EXOC6B: variants seen among roughly 807,000 people sequenced by gnomAD.
EXOC6B encodes SEC15 homolog B.
EXOC6B carries 54 observed loss-of-function variants against 113.5 expected under a neutral mutation model. The ratio of observed to expected loss-of-function variants is 0.48; its 90% confidence interval spans 0.38 to 0.60. The LOEUF (loss-of-function observed/expected upper bound fraction) is 0.60, where lower values mean the gene tolerates loss of function less well. Among genes scored for constraint, EXOC6B ranks in the 20% least tolerant of loss-of-function variants. EXOC6B has a pLI of 0.00. For synonymous variants in EXOC6B, 357 were observed against 339.0 expected, an observed-to-expected ratio of 1.05 and a Z score of -0.58; for missense variants, 797 against 977.5, an observed-to-expected ratio of 0.82 and a Z score of 2.46.
chr2:72,591,243 G>A (rs1401694025), intron 6 of EXOC6B, among the ~76,000 whole-genome samples: 2 of 152,032 alleles, frequency 1.3e-5, no homozygotes, highest in Non-Finnish European at 2.9e-5. Flanking sequence ...AGCTAGTGAT[G>A]TTTGTTTCAA....
intron 20 of EXOC6B, among the ~76,000 whole-genome samples, chr2:72,296,446 A>C (rs1027408297): frequency 6.6e-6 from 1 of 152,196 alleles, no homozygotes. Context: ...AAATATTTAG[A>C]TAAAGATAAT....
intron 1 of EXOC6B, among the ~76,000 whole-genome samples, chr2:72,803,582 A>C (rs1685416996): frequency 6.6e-6 from 1 of 152,220 alleles, no homozygotes; most frequent in Admixed American, 6.5e-5. Flanking sequence ...AAGAAAAAAA[A>C]TGCTGTCAGT....
At chr2:72,608,928 A>G (rs1670902146) in intron 6 of EXOC6B, among the ~76,000 whole-genome samples, 1 of 152,136 alleles carries the variant, frequency 6.6e-6, no homozygotes, top group Non-Finnish European at 1.5e-5. Context: ...TCTACCATGG[A>G]TGAGGAACAT....
At chr2:72,381,010 A>G (rs1404783319) in intron 18 of EXOC6B, among the ~76,000 whole-genome samples, 2 of 152,204 alleles carry the variant, frequency 1.3e-5, no homozygotes, top group East Asian at 3.8e-4. Flanking sequence ...TACTTAACGT[A>G]TCCCCTAAAC....
chr2:72,657,567 C>CTTTTTT (rs70963136), intron 6 of EXOC6B, among the ~76,000 whole-genome samples: 1,846 of 50,364 alleles, frequency 0.037, 94 homozygotes, highest in Middle Eastern at 0.075. Context: ...CTTTCCTTTT[C>CTTTTTT]TTTTTTTTTT....
chr2:72,752,454 C>T (rs1466545660), intron 1 of EXOC6B, among the ~76,000 whole-genome samples: 1 of 151,918 alleles, frequency 6.6e-6, no homozygotes, highest in Non-Finnish European at 1.5e-5. Context: ...AACAACACAG[C>T]CCATTATTTT....
At chr2:72,338,992 A>G (rs139482023) in intron 19 of EXOC6B, among the ~76,000 whole-genome samples, 337 of 146,772 alleles carry the variant, frequency 2.3e-3, no homozygotes, top group Non-Finnish European at 4.0e-3. Flanking sequence ...CACATTATGT[A>G]GTGAAGCTCA....
At chr2:72,450,409 AGGG>A (rs1361032486) in intron 18 of EXOC6B, among the ~76,000 whole-genome samples, 1 of 152,206 alleles carries the variant, frequency 6.6e-6, no homozygotes, top group East Asian at 1.9e-4. Flanking sequence ...CATGACATAG[AGGG>A]TATAGACACA....
At chr2:72,504,705 A>G (rs965363424) in intron 11 of EXOC6B, among the ~76,000 whole-genome samples, 1 of 152,174 alleles carries the variant, frequency 6.6e-6, no homozygotes, top group South Asian at 2.1e-4. Flanking sequence ...AAGATATTAC[A>G]CTTTTTCAAA....
At chr2:72,643,242 AC>A (rs1247721662) in intron 6 of EXOC6B, among the ~76,000 whole-genome samples, 3 of 151,790 alleles carry the variant, frequency 2.0e-5, no homozygotes, top group Non-Finnish European at 4.4e-5. Flanking sequence ...ATACCATTTG[AC>A]CCAGCCATCC....
At chr2:72,560,902 T>C (rs762486514) in intron 7 of EXOC6B, among the ~76,000 whole-genome samples, 9 of 149,960 alleles carry the variant, frequency 6.0e-5, no homozygotes, top group Admixed American at 5.3e-4. Flanking sequence ...AAAAAAAATA[T>C]GGAGAGATGT....
rs976820787 is a variant in EXOC6B, at chr2:72,605,766, T to G, written c.670-30098A>C. 2.0e-5 allele frequency among the ~76,000 whole-genome samples: 3 copies of G among 152,262 alleles called. No homozygotes were observed. In the East Asian group the frequency reaches 5.8e-4, roughly 29 times the overall value. ...TCTTCTTGAAATCCCTATAAGCCTA[T>G]TTTCTCCATTTAATCCTCAGAAAAT... On this transcript the variant is annotated intron_variant, in intron 6 of 21. Coordinates refer to ENST00000272427, the MANE Select transcript of EXOC6B (RefSeq NM_015189.3).
rs184086633 is a variant in EXOC6B, at chr2:72,531,496, C to A, written c.916-16370G>T. ...CTGTAAAATATACATTCTTTTCAAG[C>A]GCATACTGAACATTTACCAAATTAT... is the stretch of plus-strand genomic sequence containing the variant. On this transcript the variant is annotated intron_variant, in intron 8 of 21. Coordinates refer to ENST00000272427, the MANE Select transcript of EXOC6B (RefSeq NM_015189.3). 9.7e-4 allele frequency among the ~76,000 whole-genome samples: 147 copies of A among 152,264 alleles called. 1 individual carries two copies. The highest frequency in any genetic ancestry group is 3.5e-3 in the African/African-American group (144 of 41,544).
At chr2:72,485,968 T>C (rs1207839947) in intron 16 of EXOC6B, among the ~76,000 whole-genome samples, 1 of 152,200 alleles carries the variant, frequency 6.6e-6, no homozygotes, top group Non-Finnish European at 1.5e-5. Flanking sequence ...TAAACATAAA[T>C]ACTACTGTAA....
In EXOC6B at chr2:72,352,290, T is replaced by C. The variant is rs867427733; in HGVS notation, c.2123-17270A>G. Among the ~76,000 whole-genome samples the C allele has an allele frequency of 4.9e-4, 74 of 151,918 alleles. No individual in the cohort carries two copies. In the Middle Eastern group the frequency reaches 0.017, roughly 35 times the overall value. On this transcript the variant is annotated intron_variant, in intron 19 of 21. Coordinates refer to ENST00000272427, the MANE Select transcript of EXOC6B (RefSeq NM_015189.3). Reference sequence around the variant, plus strand: ...CTCCTTCCAGAAAAGGAGTAGAAAATAGAGTAGAAGGAAAATAGAGTCAAC... The same window carrying C: ...CTCCTTCCAGAAAAGGAGTAGAAAACAGAGTAGAAGGAAAATAGAGTCAAC...
intron 8 of EXOC6B, among the ~76,000 whole-genome samples, chr2:72,558,352 G>A (rs1365017105): frequency 6.6e-6 from 1 of 152,092 alleles, no homozygotes; most frequent in Admixed American, 6.5e-5. Flanking sequence ...AGGGAGAGAA[G>A]AGGAAACTAC....
chr2:72,711,998 G>A (rs1171571186), intron 6 of EXOC6B, among the ~76,000 whole-genome samples: 1 of 152,056 alleles, frequency 6.6e-6, no homozygotes, highest in Non-Finnish European at 1.5e-5. Context: ...CATAAATAAG[G>A]GTGGACTACT....
intron 20 of EXOC6B, among the ~76,000 whole-genome samples, chr2:72,205,389 G>C (rs977284662): frequency 4.6e-5 from 7 of 151,480 alleles, no homozygotes; most frequent in Admixed American, 1.3e-4. Context: ...ATATTCCACT[G>C]AAGTAAAATT....
intron 20 of EXOC6B, among the ~76,000 whole-genome samples, chr2:72,312,587 A>T (rs1160039093): frequency 6.6e-6 from 1 of 151,906 alleles, no homozygotes; most frequent in Non-Finnish European, 1.5e-5. Context: ...GATATAAGAA[A>T]TCAAAGTGAA....
Sources: gnomAD v4.1 joint callset for allele counts (sites outside exome capture counted in the v4.1 genomes callset) on GRCh38, gnomAD v4.1.1 for gene constraint, MANE v1.5 for transcripts, NCBI Gene and HGNC (gene_info 2026-07-23, HGNC 2026-07-21) for gene names.